The following ERBB4 variants were observed in gnomAD, a reference collection of about 807,000 sequenced individuals.
The protein encoded by ERBB4 is erb-b2 receptor tyrosine kinase 4, also known as receptor tyrosine-protein kinase erbB-4.
In ERBB4, 42 loss-of-function variants were observed where a neutral mutation model predicts 158.0. That is an observed-to-expected ratio of 0.27 (90% CI 0.21 to 0.34). The LOEUF is 0.34. Ranked by LOEUF, ERBB4 falls within the 10% of genes least tolerant of loss-of-function variation. The pLI, the probability that ERBB4 is intolerant of heterozygous loss-of-function variation, is 1.00. For missense variants in ERBB4, 1,333 were observed against 1,624.1 expected (o/e 0.82, Z 3.08); for synonymous variants, 583 against 558.7 (o/e 1.04, Z -0.61).
intron 1 of ERBB4, among the ~76,000 whole-genome samples, chr2:212,227,211 T>C (rs7577482): frequency 0.98 from 148,052 of 150,422 alleles, 72,933 homozygotes; most frequent in Middle Eastern, 1. Context: ...GACCACAGCA[T>C]TCCAGCATGG....
At chr2:212,026,978 TAAC>T (rs1393081948) in intron 2 of ERBB4, among the ~76,000 whole-genome samples, 2 of 151,978 alleles carry the variant, frequency 1.3e-5, no homozygotes, top group African/African-American at 2.4e-5. Flanking sequence ...TAGTTGATAC[TAAC>T]AATAATTAAT....
intron 3 of ERBB4, among the ~76,000 whole-genome samples, chr2:211,893,639 G>C (rs1228753875): frequency 1.5e-5 from 2 of 134,184 alleles, no homozygotes; most frequent in African/African-American, 6.4e-5. Context: ...CAAAATGGGA[G>C]AAAATTTTCG....
At position 211,975,139 on chromosome 2, in the gene ERBB4, C is replaced by A. The variant is rs147214153; in HGVS notation, c.235-27523G>T. Among the ~76,000 whole-genome samples the A allele has an allele frequency of 3.6e-3, 544 of 152,162 alleles. 2 individuals are homozygous for A. The highest frequency in any genetic ancestry group is 5.6e-3 in the Non-Finnish European group (384 of 68,002). On this transcript the variant is annotated intron_variant, in intron 2 of 27. Coordinates refer to ENST00000342788, the MANE Select transcript of ERBB4 (RefSeq NM_005235.3). The stretch of plus-strand genomic sequence containing the variant: ...CTGGGACTACAAGTACACTAACATA[C>A]CTGCCTAATTTTTGTATCTTTTTGT...
At chr2:212,295,428 G>C (rs560904195) in intron 1 of ERBB4, among the ~76,000 whole-genome samples, 2 of 151,940 alleles carry the variant, frequency 1.3e-5, no homozygotes, top group Non-Finnish European at 2.9e-5. Context: ...TCAACTCAAA[G>C]AATTTTCACT....
chr2:211,884,256 T>A (rs1444796508), intron 3 of ERBB4, among the ~76,000 whole-genome samples: 1 of 152,148 alleles, frequency 6.6e-6, no homozygotes, highest in African/African-American at 2.4e-5. Flanking sequence ...TTAATCCAGT[T>A]ATTTTTTCCT....
At chr2:211,827,251 A>T (rs1337720277) in intron 3 of ERBB4, among the ~76,000 whole-genome samples, 1 of 152,042 alleles carries the variant, frequency 6.6e-6, no homozygotes, top group Non-Finnish European at 1.5e-5. Context: ...ATTCATTCAC[A>T]TGATAATTTA....
intron 1 of ERBB4, among the ~76,000 whole-genome samples, chr2:212,378,611 C>T (rs763378322): frequency 6.6e-5 from 10 of 151,680 alleles, no homozygotes; most frequent in South Asian, 2.1e-4. Context: ...TTCCCCTTCC[C>T]TGGTCAAATT....
chr2:211,753,001 T>C (rs987810955), intron 4 of ERBB4, among the ~76,000 whole-genome samples: 5 of 152,340 alleles, frequency 3.3e-5, no homozygotes, highest in South Asian at 2.1e-4. Context: ...TATTTAACTT[T>C]CTCTCTGGAG....
intron 2 of ERBB4, among the ~76,000 whole-genome samples, chr2:211,983,724 C>A (rs2081865502): frequency 6.6e-6 from 1 of 152,074 alleles, no homozygotes; most frequent in Non-Finnish European, 1.5e-5. Context: ...TAAACCCAAG[C>A]ATTTAGAGAT....
intron 13 of ERBB4, among the ~76,000 whole-genome samples, chr2:211,678,433 C>A (rs1267992575): frequency 1.3e-5 from 2 of 151,960 alleles, no homozygotes; most frequent in East Asian, 3.9e-4. Context: ...ATAACAATCC[C>A]CTTCATAAAG....
intron 27 of ERBB4, among the ~76,000 whole-genome samples, chr2:211,384,944 G>A (rs1180907718): frequency 6.6e-6 from 1 of 151,888 alleles, no homozygotes; most frequent in Non-Finnish European, 1.5e-5. Flanking sequence ...CCACATCTAT[G>A]TCTATAATAT....
chr2:211,651,696 G>C (rs1332414607), intron 16 of ERBB4, among the ~76,000 whole-genome samples: 1 of 151,972 alleles, frequency 6.6e-6, no homozygotes, highest in East Asian at 1.9e-4. Context: ...AAGATGGTGG[G>C]GGTGGGGTGG....
At chr2:212,424,320 T>G (rs537216282) in intron 1 of ERBB4, among the ~76,000 whole-genome samples, 1 of 152,064 alleles carries the variant, frequency 6.6e-6, no homozygotes, top group Non-Finnish European at 1.5e-5. Flanking sequence ...GACCTTACAA[T>G]GGTAGGACTT....
intron 1 of ERBB4, among the ~76,000 whole-genome samples, chr2:212,316,844 G>C (rs955312153): frequency 5.3e-5 from 8 of 151,438 alleles, no homozygotes; most frequent in African/African-American, 1.9e-4. Flanking sequence ...TGAGAATTAT[G>C]TCTGTTTCAA....
In ERBB4 at chr2:212,285,941, G is replaced by A. The variant is rs540562659; in HGVS notation, c.83-161038C>T. Among the ~76,000 whole-genome samples, 3 of 152,178 alleles carry A rather than the reference G, an allele frequency of 2.0e-5. No individual in the cohort carries two copies. The South Asian group carries it at 6.2e-4, about 32-fold the overall frequency. On this transcript the variant is annotated intron_variant, in intron 1 of 27. Transcript: ENST00000342788. ...ACATATGTTTTGATTTGGGTCAATGGCTTGGCTAGATATTATATGTATGAT... is the reference window on the plus strand; with the variant it reads ...ACATATGTTTTGATTTGGGTCAATGACTTGGCTAGATATTATATGTATGAT...
chr2:212,125,514 C>T (rs1372053984), intron 1 of ERBB4, among the ~76,000 whole-genome samples: 1 of 152,116 alleles, frequency 6.6e-6, no homozygotes, highest in Non-Finnish European at 1.5e-5. Flanking sequence ...TATTTCATCA[C>T]CCAGCTATTA....
At chr2:211,469,217 A>G (rs2125521848) in intron 20 of ERBB4, among the ~76,000 whole-genome samples, 1 of 152,288 alleles carries the variant, frequency 6.6e-6, no homozygotes. Context: ...GCAACACGAA[A>G]AGACTGAAGT....
At chr2:212,063,574 A>C (rs1030580241) in intron 2 of ERBB4, among the ~76,000 whole-genome samples, 1 of 152,142 alleles carries the variant, frequency 6.6e-6, no homozygotes, top group African/African-American at 2.4e-5. Context: ...CTAAGATTTT[A>C]TCACCACTGA....
intron 1 of ERBB4, among the ~76,000 whole-genome samples, chr2:212,499,636 G>A (rs1483388984): frequency 6.6e-6 from 1 of 152,086 alleles, no homozygotes; most frequent in Non-Finnish European, 1.5e-5. Flanking sequence ...ATGACTGACA[G>A]AAAGAGGAGG....
Sources: gnomAD v4.1 joint callset for allele counts (sites outside exome capture counted in the v4.1 genomes callset) on GRCh38, gnomAD v4.1.1 for gene constraint, MANE v1.5 for transcripts, NCBI Gene and HGNC (gene_info 2026-07-23, HGNC 2026-07-21) for gene names.